Variants in CNTNAP5 observed in about 807,000 individuals in gnomAD.
The protein encoded by CNTNAP5 is contactin associated protein family member 5.
Under a neutral mutation model 150.2 loss-of-function variants are expected in CNTNAP5, and 72 were observed. The observed-to-expected ratio is 0.48, with a 90% CI of 0.40 to 0.58. The LOEUF is 0.58. CNTNAP5 is among the 20% of genes least tolerant of loss of function. CNTNAP5 has a pLI of 0.00. For synonymous variants in CNTNAP5, 672 were observed against 619.8 expected, an observed-to-expected ratio of 1.08 and a Z score of -1.25; for missense variants, 1,636 against 1,626.2, an observed-to-expected ratio of 1.01 and a Z score of -0.10.
chr2:124,093,752 A>G (rs1021975297), intron 1 of CNTNAP5, among the ~76,000 whole-genome samples: 3 of 152,238 alleles, frequency 2.0e-5, no homozygotes, highest in African/African-American at 7.2e-5. Flanking sequence ...TACTCATGGA[A>G]TAAGGACAAC....
chr2:124,303,431 T>C (rs1253909350), intron 3 of CNTNAP5, among the ~76,000 whole-genome samples: 1 of 152,174 alleles, frequency 6.6e-6, no homozygotes, highest in East Asian at 1.9e-4. Context: ...CCTGTCCATG[T>C]CAACAGCCAT....
chr2:124,260,885 G>A (rs189602693), intron 3 of CNTNAP5, among the ~76,000 whole-genome samples: 2 of 152,182 alleles, frequency 1.3e-5, no homozygotes, highest in Admixed American at 6.5e-5. Context: ...ATAGACACAC[G>A]TACACAAATG....
At chr2:124,171,097 CAGAT>C (rs1558785214) in intron 1 of CNTNAP5, among the ~76,000 whole-genome samples, 1 of 152,152 alleles carries the variant, frequency 6.6e-6, no homozygotes, top group Non-Finnish European at 1.5e-5. Flanking sequence ...GGCTGTCACT[CAGAT>C]AGAAAGAAGG....
At chr2:124,677,004 T>C (rs1056200549) in intron 13 of CNTNAP5, among the ~76,000 whole-genome samples, 3 of 152,176 alleles carry the variant, frequency 2.0e-5, no homozygotes, top group African/African-American at 7.2e-5. Context: ...GAAGACATAA[T>C]ATGTCCGGAA....
rs77666577 is a variant in CNTNAP5 at position 124,729,065 on chromosome 2, G to A, written c.2078-18164G>A. The stretch of plus-strand genomic sequence containing the variant: ...ATGGAATTATAATCCAAGAACTACT[G>A]GACCTTACCAGGCCTTTTAGTATCC... On this transcript the variant is annotated intron_variant, in intron 13 of 23. Coordinates refer to ENST00000682447, the MANE Select transcript of CNTNAP5 (RefSeq NM_001367498.1). Among the ~76,000 whole-genome samples the A allele has an allele frequency of 3.2e-3, 483 of 152,060 alleles. 22 individuals carry two copies. In the East Asian group the frequency reaches 0.078, roughly 25 times the overall value.
chr2:124,376,133 C>T (rs1419548270), intron 3 of CNTNAP5, among the ~76,000 whole-genome samples: 1 of 151,966 alleles, frequency 6.6e-6, no homozygotes, highest in Non-Finnish European at 1.5e-5. Flanking sequence ...GAGAAATAAG[C>T]AATAATTGCC....
At chr2:124,094,796 C>A (rs909009673) in intron 1 of CNTNAP5, among the ~76,000 whole-genome samples, 1 of 152,050 alleles carries the variant, frequency 6.6e-6, no homozygotes, top group Admixed American at 6.6e-5. Flanking sequence ...GAGATGGGCA[C>A]CAGCTGTGAA....
intron 1 of CNTNAP5, among the ~76,000 whole-genome samples, chr2:124,064,441 T>C (rs1476549992): frequency 6.6e-6 from 1 of 152,076 alleles, no homozygotes; most frequent in East Asian, 1.9e-4. Context: ...CCTTTATACA[T>C]CTTACCTGCT....
In CNTNAP5 at chr2:124,713,310, CTTTCTTTCCTTTCTTTCTT is replaced by C. The variant is rs1558746901; in HGVS notation, c.2078-33917_2078-33899del. On this transcript the variant is annotated intron_variant, in intron 13 of 23. Coordinates refer to ENST00000682447, the MANE Select transcript of CNTNAP5 (RefSeq NM_001367498.1). ...CTTTCTTTCTTTCTTTCTTCTTTCT[CTTTCTTTCCTTTCTTTCTT>C]TCTTTCTTTCTTTCTTTCTTTCTTT... Among the ~76,000 whole-genome samples, 95 of 72,828 alleles carry C rather than the reference CTTTCTTTCCTTTCTTTCTT, an allele frequency of 1.3e-3. 3 individuals carry two copies. Among genetic ancestry groups the C allele is most frequent in the East Asian group, 9.1e-3 (17 of 1,872 alleles). 47.8% of individuals were successfully genotyped at this position (72,828 alleles called of 152,430 possible).
At chr2:124,293,022 G>A (rs1032026731) in intron 3 of CNTNAP5, among the ~76,000 whole-genome samples, 1 of 151,964 alleles carries the variant, frequency 6.6e-6, no homozygotes, top group Admixed American at 6.6e-5. Context: ...TAAGCAAAAA[G>A]AATAATTGTT....
At chr2:124,150,480 A>G (rs1286778319) in intron 1 of CNTNAP5, among the ~76,000 whole-genome samples, 1 of 152,222 alleles carries the variant, frequency 6.6e-6, no homozygotes, top group Non-Finnish European at 1.5e-5. Flanking sequence ...AGCTGCTATA[A>G]CAAAAATACC....
intron 19 of CNTNAP5, among the ~76,000 whole-genome samples, chr2:124,824,628 T>C (rs1339324624): frequency 6.6e-6 from 1 of 152,154 alleles, no homozygotes; most frequent in Non-Finnish European, 1.5e-5. Context: ...CCCAGCATGG[T>C]GATGCTCATG....
intron 1 of CNTNAP5, among the ~76,000 whole-genome samples, chr2:124,208,317 T>A (rs925064678): frequency 2.0e-5 from 3 of 152,186 alleles, no homozygotes; most frequent in African/African-American, 7.2e-5. Context: ...CACACTTTGG[T>A]CCAGCATGTT....
At chr2:124,084,360 G>A (rs1226547677) in intron 1 of CNTNAP5, among the ~76,000 whole-genome samples, 1 of 151,650 alleles carries the variant, frequency 6.6e-6, no homozygotes, top group Non-Finnish European at 1.5e-5. Flanking sequence ...TGGACTTCCT[G>A]GGTTCCAGCG....
At chr2:124,135,320 T>C (rs1558769688) in intron 1 of CNTNAP5, 1 of 152,218 alleles carries the variant, frequency 6.6e-6, no homozygotes, top group Non-Finnish European at 1.5e-5. Context: ...CAACATGACA[T>C]TGCAATCAGT....
chr2:124,165,538 T>C (rs553217120), intron 1 of CNTNAP5, among the ~76,000 whole-genome samples: 50 of 152,284 alleles, frequency 3.3e-4, no homozygotes, highest in African/African-American at 1.2e-3. Context: ...TGGCACGCAC[T>C]TTATGTTAAA....
At chr2:124,896,970 TG>T (rs1248519574) in intron 21 of CNTNAP5, among the ~76,000 whole-genome samples, 1 of 151,664 alleles carries the variant, frequency 6.6e-6, no homozygotes, top group Admixed American at 6.6e-5. Flanking sequence ...CTCTTTACTT[TG>T]TAAAGGTTTT....
At chr2:124,752,469 G>A (rs898341222) in intron 14 of CNTNAP5, among the ~76,000 whole-genome samples, 1 of 152,062 alleles carries the variant, frequency 6.6e-6, no homozygotes, top group African/African-American at 2.4e-5. Context: ...CAGCTCACAA[G>A]GTTGAGGTGG....
At position 124,800,260 on chromosome 2, in the gene CNTNAP5, G is replaced by C. The variant is rs1427594487; in HGVS notation, c.3217+1940G>C. On this transcript the variant is annotated intron_variant, in intron 19 of 23. Coordinates refer to ENST00000682447, the MANE Select transcript of CNTNAP5 (RefSeq NM_001367498.1). ...CGAGATTTTTTCCAAAGCATCTTTTGGGTATAGTTCCATAGGCACAATTGT... is the reference window on the plus strand; with the variant it reads ...CGAGATTTTTTCCAAAGCATCTTTTCGGTATAGTTCCATAGGCACAATTGT... Among the ~76,000 whole-genome samples the C allele has an allele frequency of 2.6e-5, 4 of 152,144 alleles. No homozygotes were observed. In the East Asian group the frequency reaches 7.7e-4, roughly 29 times the overall value.
Sources: gnomAD v4.1 joint callset for allele counts (sites outside exome capture counted in the v4.1 genomes callset) on GRCh38, gnomAD v4.1.1 for gene constraint, MANE v1.5 for transcripts, NCBI Gene and HGNC (gene_info 2026-07-23, HGNC 2026-07-21) for gene names.